The following BLMH variants were observed in gnomAD, a reference collection of about 807,000 sequenced individuals.
BLMH encodes BLM hydrolase.
A neutral mutation model predicts 61.6 loss-of-function variants in BLMH; 32 were observed. The ratio of observed to expected loss-of-function variants is 0.52; its 90% CI spans 0.39 to 0.70. The LOEUF is 0.70. Among genes scored for constraint, BLMH ranks in the 30% least tolerant of loss-of-function variants. BLMH has a pLI of 0.00. For synonymous variants in BLMH, 183 were observed against 193.8 expected (o/e 0.94, Z 0.46); for missense variants, 460 against 555.5 (o/e 0.83, Z 1.73).
intron 1 of BLMH, 138 bp from the exon 2 acceptor site, chr17:30,291,646 C>T (rs1284026467): frequency 7.2e-7 from 1 of 1,381,064 alleles, no homozygotes; most frequent in African/African-American, 1.4e-5. Flanking sequence ...GCGGCATCCT[C>T]CTCCAAGGAG....
chr17:30,286,910 A>G lies in BLMH; in HGVS notation c.464-8T>C. On this transcript the variant is annotated splice_region_variant and splice_polypyrimidine_tract_variant and intron_variant, in intron 4 of 11. Transcript: ENST00000261714. ...GGATAACACCATATTTTTCTAAAAG[A>G]AAACAAATTCTAGTGTTAAAGAAGG... is the stretch of plus-strand genomic sequence containing the variant. The G allele has an allele frequency of 6.5e-7, 1 of 1,544,442 alleles. No individual in the cohort carries two copies. The highest frequency in any genetic ancestry group is 8.9e-7 in the Non-Finnish European group (1 of 1,122,126).
rs766209686 is a variant in BLMH, at chr17:30,291,618, C to T, written c.14-110G>A. The T allele has an allele frequency of 5.8e-5, 85 of 1,454,106 alleles. No homozygotes were observed. The African/African-American group carries it at 1.0e-3, about 17-fold the overall frequency. The allele number at this position is 1,454,106 out of a possible 1,614,324, so 90.1% of individuals were successfully genotyped here. A position where few individuals can be genotyped will look rare whatever the true frequency, so the allele number is the denominator to read the frequency against. ...TAAGCGCATCCTGGGGTGCCCGCTG[C>T]AGCGGGGAAACCCATAAGCGGCATC... On this transcript the variant is annotated intron_variant, in intron 1 of 11. Coordinates refer to ENST00000261714, the MANE Select transcript of BLMH (RefSeq NM_000386.4).
intron 10 of BLMH, among the ~76,000 whole-genome samples, chr17:30,268,488 T>C (rs1017489039): frequency 6.6e-6 from 1 of 152,180 alleles, no homozygotes; most frequent in Non-Finnish European, 1.5e-5. Context: ...AAATGTTCAA[T>C]ATAAAATTCC....
Position 30,291,057 on chromosome 17 carries a change from T to C in BLMH, c.211+254A>G, listed in dbSNP as rs74740325. ...AACCACACAGCATTGGAACATAATA[T>C]AGTCAATTACACTCAAACGTATACT... is the stretch of plus-strand genomic sequence containing the variant. On this transcript the variant is annotated intron_variant, in intron 2 of 11. Coordinates refer to ENST00000261714, the MANE Select transcript of BLMH (RefSeq NM_000386.4). 6.1e-3 allele frequency: 3,169 copies of C among 516,322 alleles called. 75 individuals carry two copies. The highest frequency in any genetic ancestry group is 0.054 in the African/African-American group (2,863 of 52,664). The allele number at this position is 516,322 out of a possible 1,614,324, so 32.0% of individuals were successfully genotyped here. A position where few individuals can be genotyped will look rare whatever the true frequency, so the allele number is the denominator to read the frequency against.
At chr17:30,284,520 G>A (rs777633503) in intron 6 of BLMH, among the ~76,000 whole-genome samples, 3 of 152,250 alleles carry the variant, frequency 2.0e-5, no homozygotes, top group South Asian at 2.1e-4. Context: ...GCTGACAAAC[G>A]GAAACATTTA....
At chr17:30,288,018 G>T (rs1908777770) in intron 3 of BLMH, 71 bp from the exon 4 acceptor site, 1 of 1,420,764 alleles carries the variant, frequency 7.0e-7, no homozygotes, top group African/African-American at 1.4e-5. Context: ...ATTATCAACA[G>T]AATGGGAGTC....
At chr17:30,266,781 G>T in intron 11 of BLMH, 104 bp downstream of exon 11, 2 of 1,026,156 alleles carry the variant, frequency 1.9e-6, no homozygotes, top group Non-Finnish European at 3.0e-6. Flanking sequence ...AGTCAGTGGA[G>T]CCAATTACTG....
At chr17:30,267,416 T>C (rs1202554222) in intron 10 of BLMH, among the ~76,000 whole-genome samples, 1 of 152,176 alleles carries the variant, frequency 6.6e-6, no homozygotes, top group Non-Finnish European at 1.5e-5. Flanking sequence ...GAGTCTTTTT[T>C]AAACAAAACA....
At chr17:30,280,184 T>C (rs1004156862) in intron 6 of BLMH, among the ~76,000 whole-genome samples, 2 of 152,186 alleles carry the variant, frequency 1.3e-5, no homozygotes, top group Non-Finnish European at 2.9e-5. Flanking sequence ...AAACTTCATA[T>C]AATTCTTCTG....
chr17:30,280,648 T>C (rs2143028147), intron 6 of BLMH, among the ~76,000 whole-genome samples: 1 of 152,178 alleles, frequency 6.6e-6, no homozygotes, highest in East Asian at 1.9e-4. Flanking sequence ...AGCTAATTTT[T>C]TCATTTTCTT....
At chr17:30,274,258 T>A (rs1908359048) in intron 6 of BLMH, 61 bp from the exon 7 acceptor site, 1 of 1,546,858 alleles carries the variant, frequency 6.5e-7, no homozygotes, top group Admixed American at 2.0e-5. Flanking sequence ...TTTTTTCACC[T>A]CTTCATTTTC....
intron 11 of BLMH, among the ~76,000 whole-genome samples, chr17:30,253,716 C>G (rs1254755383): frequency 6.6e-6 from 1 of 152,130 alleles, no homozygotes. Flanking sequence ...CTCCAGGGAT[C>G]CCAAGGTTAC....
chr17:30,265,919 C>T (rs1349850858), intron 11 of BLMH, among the ~76,000 whole-genome samples: 4 of 151,576 alleles, frequency 2.6e-5, no homozygotes, highest in Non-Finnish European at 5.9e-5. Flanking sequence ...AATAATATAC[C>T]CTAAACTGTT....
rs796210406 is a variant in BLMH at position 30,263,390 on chromosome 17, T to C, written c.1216+3495A>G. ...CAACTTTTCAAAATGAAAGATAATA[T>C]ATCAAATCCCGAAGTCTGTTCCCTC... On this transcript the variant is annotated intron_variant, in intron 11 of 11. Coordinates refer to ENST00000261714, the MANE Select transcript of BLMH (RefSeq NM_000386.4). Among the ~76,000 whole-genome samples, 7 of 152,360 alleles carry C rather than the reference T, an allele frequency of 4.6e-5. No individual in the cohort carries two copies. In the East Asian group the frequency reaches 9.6e-4, roughly 21 times the overall value.
intron 10 of BLMH, among the ~76,000 whole-genome samples, chr17:30,268,185 G>A (rs767376763): frequency 2.0e-5 from 3 of 152,076 alleles, no homozygotes; most frequent in Non-Finnish European, 4.4e-5. Context: ...TGTTAGAATC[G>A]ATGTCACCTA....
chr17:30,284,519 C>T (rs940829383), intron 6 of BLMH, among the ~76,000 whole-genome samples: 2 of 152,212 alleles, frequency 1.3e-5, no homozygotes, highest in Non-Finnish European at 1.5e-5. Context: ...GGCTGACAAA[C>T]GGAAACATTT....
Position 30,273,243 on chromosome 17 carries a change from T to G in BLMH, c.802-344A>C, listed in dbSNP as rs533618623. 10 of 177,862 alleles carry G rather than the reference T, an allele frequency of 5.6e-5. No individual in the cohort carries two copies. The East Asian group carries it at 1.6e-3, about 28-fold the overall frequency. 11.0% of individuals were successfully genotyped at this position (177,862 alleles called of 1,614,324 possible). A position where few individuals can be genotyped will look rare whatever the true frequency, so the allele number is the denominator to read the frequency against. On this transcript the variant is annotated intron_variant, in intron 7 of 11. Coordinates refer to ENST00000261714, the MANE Select transcript of BLMH (RefSeq NM_000386.4). ...GTGCAATGGCGCCATCTCGGCTCAC[T>G]GCAACCTCCGCCTCCCAGGTTCAAG... is the stretch of plus-strand genomic sequence containing the variant.
At chr17:30,263,522 A>G (rs1029261997) in intron 11 of BLMH, among the ~76,000 whole-genome samples, 12 of 152,250 alleles carry the variant, frequency 7.9e-5, no homozygotes, top group African/African-American at 2.9e-4. Context: ...TTGGTATTAC[A>G]TGTTAGATAT....
chr17:30,289,274 G>A, intron 3 of BLMH, 99 bp downstream of exon 3: 2 of 627,526 alleles, frequency 3.2e-6, no homozygotes, highest in Non-Finnish European at 5.1e-6. Flanking sequence ...CACCTATTAT[G>A]AAAGGGCAGG....
Sources: gnomAD v4.1 joint callset for allele counts (sites outside exome capture counted in the v4.1 genomes callset) on GRCh38, gnomAD v4.1.1 for gene constraint, MANE v1.5 for transcripts, NCBI Gene and HGNC (gene_info 2026-07-23, HGNC 2026-07-21) for gene names.